The following GALNT13 variants were observed in gnomAD, a reference collection of about 807,000 sequenced individuals.
The protein encoded by GALNT13 is UDP-GalNAc:polypeptide N-acetylgalactosaminyltransferase 13.
In GALNT13, 28 loss-of-function variants were observed where a neutral mutation model predicts 64.2. That is an observed-to-expected ratio of 0.44 (90% CI 0.32 to 0.60). GALNT13 has a LOEUF of 0.60. Among genes scored for constraint, GALNT13 ranks in the 20% least tolerant of loss-of-function variants. GALNT13 has a pLI of 0.05. For synonymous variants in GALNT13, 214 were observed against 224.6 expected (o/e 0.95, Z 0.42); for missense variants, 577 against 669.8 (o/e 0.86, Z 1.53).
At chr2:153,390,219 C>G in the GALNT13 span, among the ~76,000 whole-genome samples, 1 of 152,002 alleles carries the variant, frequency 6.6e-6, no homozygotes, top group Non-Finnish European at 1.5e-5. Context: ...GATCAGAAAA[C>G]CAAACACCAC....
chr2:153,197,105 C>T, the GALNT13 span, among the ~76,000 whole-genome samples: 9,927 of 152,296 alleles, frequency 0.065, 364 homozygotes, highest in Non-Finnish European at 0.087. Flanking sequence ...AGGACAACTC[C>T]GTGCTCAGGT....
At chr2:153,388,925 C>G in the GALNT13 span, among the ~76,000 whole-genome samples, 1 of 152,044 alleles carries the variant, frequency 6.6e-6, no homozygotes, top group Non-Finnish European at 1.5e-5. Flanking sequence ...AGCCTGGGGT[C>G]TACTTGGAGA....
At chr2:154,406,769 C>G (rs1447448383) in intron 10 of GALNT13, among the ~76,000 whole-genome samples, 1 of 152,112 alleles carries the variant, frequency 6.6e-6, no homozygotes, top group African/African-American at 2.4e-5. Context: ...AAAACATAAG[C>G]TTTATGAAGG....
At chr2:154,136,553 G>A (rs1424385939) in intron 3 of GALNT13, among the ~76,000 whole-genome samples, 3 of 151,978 alleles carry the variant, frequency 2.0e-5, no homozygotes, top group African/African-American at 7.2e-5. Flanking sequence ...GTTCTTTTTG[G>A]TAGATTTATC....
chr2:153,163,219 T>C, the GALNT13 span, among the ~76,000 whole-genome samples: 1 of 152,122 alleles, frequency 6.6e-6, no homozygotes, highest in East Asian at 1.9e-4. Flanking sequence ...GCCAAGTGCA[T>C]GGTGAGACAG....
chr2:153,545,672 G>A, the GALNT13 span, among the ~76,000 whole-genome samples: 1 of 152,052 alleles, frequency 6.6e-6, no homozygotes, highest in African/African-American at 2.4e-5. Flanking sequence ...TGGCCACAGG[G>A]GTCACCTTGA....
intron 11 of GALNT13, among the ~76,000 whole-genome samples, chr2:154,412,681 A>G (rs537898189): frequency 6.6e-6 from 1 of 151,858 alleles, no homozygotes; most frequent in Non-Finnish European, 1.5e-5. Context: ...GTTAGAAATA[A>G]TTTTCTTAAA....
chr2:154,156,344 A>G (rs1269949874), intron 4 of GALNT13, among the ~76,000 whole-genome samples: 1 of 152,124 alleles, frequency 6.6e-6, no homozygotes. Flanking sequence ...AAGCAAGTGT[A>G]GCACATAGTT....
chr2:153,759,553 T>C, the GALNT13 span, among the ~76,000 whole-genome samples: 4 of 152,050 alleles, frequency 2.6e-5, no homozygotes, highest in Non-Finnish European at 5.9e-5. Context: ...CTGCCTCTAA[T>C]GAGATTGATC....
intron 9 of GALNT13, among the ~76,000 whole-genome samples, chr2:154,343,714 T>C (rs1472002326): frequency 2.6e-5 from 4 of 152,098 alleles, no homozygotes; most frequent in Admixed American, 2.6e-4. Flanking sequence ...AACATTGATA[T>C]ATACAGTGAA....
intron 3 of GALNT13, among the ~76,000 whole-genome samples, chr2:154,086,738 T>C (rs1012508191): frequency 1.3e-5 from 2 of 151,714 alleles, no homozygotes; most frequent in African/African-American, 4.8e-5. Context: ...AGCATATCAA[T>C]TGATATTTTT....
intron 2 of GALNT13, among the ~76,000 whole-genome samples, chr2:153,940,167 T>C (rs1452095729): frequency 6.6e-6 from 1 of 152,152 alleles, no homozygotes; most frequent in Non-Finnish European, 1.5e-5. Flanking sequence ...CTTCTTTGTC[T>C]CTTAGTTTAA....
At chr2:153,929,971 T>C (rs1426862370) in intron 2 of GALNT13, among the ~76,000 whole-genome samples, 1 of 152,234 alleles carries the variant, frequency 6.6e-6, no homozygotes, top group Non-Finnish European at 1.5e-5. Context: ...ATTAGCAGTG[T>C]ATAAACATTC....
chr2:154,314,295 C>T (rs1004184005), intron 9 of GALNT13, among the ~76,000 whole-genome samples: 1 of 152,042 alleles, frequency 6.6e-6, no homozygotes, highest in African/African-American at 2.4e-5. Context: ...TTGAAGAGAT[C>T]ACTCTGACAC....
chr2:153,778,739 T>A, the GALNT13 span, among the ~76,000 whole-genome samples: 4 of 152,238 alleles, frequency 2.6e-5, no homozygotes, highest in Admixed American at 6.5e-5. Context: ...CTAAACTTTT[T>A]AAAAAATTTG....
At chr2:153,492,901 C>A in the GALNT13 span, among the ~76,000 whole-genome samples, 5 of 150,032 alleles carry the variant, frequency 3.3e-5, no homozygotes, top group South Asian at 1.1e-3. Flanking sequence ...TCTAGGAAAA[C>A]CTCAAATACT....
At chr2:153,894,485 A>T (rs1484288752) in intron 1 of GALNT13, among the ~76,000 whole-genome samples, 2 of 151,162 alleles carry the variant, frequency 1.3e-5, no homozygotes, top group Non-Finnish European at 1.5e-5. Context: ...AAATATCATG[A>T]GATCATTATG....
chr2:153,335,181 T>C, the GALNT13 span, among the ~76,000 whole-genome samples: 1 of 152,302 alleles, frequency 6.6e-6, no homozygotes, highest in East Asian at 1.9e-4. Context: ...CTTCCCAGTC[T>C]CCAGTTGTCT....
At chr2:153,582,843 A>G in the GALNT13 span, among the ~76,000 whole-genome samples, 3 of 152,164 alleles carry the variant, frequency 2.0e-5, no homozygotes, top group Admixed American at 6.6e-5. Flanking sequence ...TAAATGTTAT[A>G]TTGTAACATT....
Sources: gnomAD v4.1 joint callset for allele counts (sites outside exome capture counted in the v4.1 genomes callset) on GRCh38, gnomAD v4.1.1 for gene constraint, MANE v1.5 for transcripts, NCBI Gene and HGNC (gene_info 2026-07-23, HGNC 2026-07-21) for gene names.